SGCD: variants seen among roughly 807,000 people sequenced by gnomAD.
SGCD encodes the protein delta-sarcoglycan.
Under a neutral mutation model 36.6 loss-of-function variants are expected in SGCD, and 18 were observed. The observed-to-expected ratio is 0.49, with a 90% CI of 0.34 to 0.73. The LOEUF is 0.73. SGCD is among the 30% of genes least tolerant of loss of function. The probability of loss-of-function intolerance (pLI) is 0.01; values close to 1 mark genes in which losing one functional copy is unlikely to be tolerated. For missense variants in SGCD, 387 were observed against 346.7 expected, an observed-to-expected ratio of 1.12 and a Z score of -0.92; for synonymous variants, 133 against 130.6, an observed-to-expected ratio of 1.02 and a Z score of -0.12.
At chr5:156,687,941 G>T (rs533752925) in intron 7 of SGCD, among the ~76,000 whole-genome samples, 1 of 152,262 alleles carries the variant, frequency 6.6e-6, no homozygotes, top group Non-Finnish European at 1.5e-5. Flanking sequence ...TAGGAAGCAT[G>T]AGAAATTTTT....
chr5:156,412,745 C>T (rs1446527026), intron 3 of SGCD, among the ~76,000 whole-genome samples: 1 of 149,268 alleles, frequency 6.7e-6, no homozygotes, highest in Non-Finnish European at 1.5e-5. Flanking sequence ...CCAGGTGGTA[C>T]AAAGCACAAG....
chr5:156,416,979 G>C (rs1323377640), intron 3 of SGCD, among the ~76,000 whole-genome samples: 1 of 152,108 alleles, frequency 6.6e-6, no homozygotes, highest in Non-Finnish European at 1.5e-5. Flanking sequence ...TAAGTCAAAT[G>C]CAGTTTCAAT....
At chr5:156,282,635 T>C (rs543912703) in intron 3 of SGCD, among the ~76,000 whole-genome samples, 48 of 152,356 alleles carry the variant, frequency 3.2e-4, no homozygotes, top group Middle Eastern at 6.8e-3. Flanking sequence ...ATTAGATCCT[T>C]AATTGAATAA....
In SGCD at chr5:156,584,228, A is replaced by T. The variant is rs549584401; in HGVS notation, c.295-5003A>T. Among the ~76,000 whole-genome samples the T allele has an allele frequency of 3.3e-5, 5 of 152,284 alleles. No individual in the cohort carries two copies. In the East Asian group the frequency reaches 9.6e-4, roughly 29 times the overall value. ...TGCAGAGGGCCAAATACACTTGTCT[A>T]TGTTTTTGCTAAAATGTCTCTCCCC... On this transcript the variant is annotated intron_variant, in intron 4 of 8. Transcript: ENST00000337851.
chr5:156,664,566 A>G (rs1256834024), intron 7 of SGCD, among the ~76,000 whole-genome samples: 11 of 54,692 alleles, frequency 2.0e-4, no homozygotes, highest in Non-Finnish European at 3.0e-4. Flanking sequence ...GACTAATAGT[A>G]CTCCAATTTT....
intron 6 of SGCD, among the ~76,000 whole-genome samples, chr5:156,633,815 G>C (rs1233993372): frequency 1.3e-5 from 2 of 152,204 alleles, no homozygotes; most frequent in East Asian, 1.9e-4. Flanking sequence ...CAGGCCTGCT[G>C]CTCTTTGGTC....
chr5:156,123,129 A>G (rs1762086016), intron 2 of SGCD, among the ~76,000 whole-genome samples: 1 of 152,120 alleles, frequency 6.6e-6, no homozygotes, highest in Non-Finnish European at 1.5e-5. Context: ...GGGTCATCTT[A>G]TATCTGACAT....
chr5:156,746,795 T>C (rs1416894402), intron 7 of SGCD, among the ~76,000 whole-genome samples: 3 of 152,172 alleles, frequency 2.0e-5, no homozygotes, highest in Admixed American at 2.0e-4. Context: ...TTTGTGACCT[T>C]GGGGTAGTCA....
At chr5:156,431,624 T>C (rs904112555) in intron 3 of SGCD, among the ~76,000 whole-genome samples, 4 of 152,216 alleles carry the variant, frequency 2.6e-5, no homozygotes, top group African/African-American at 9.6e-5. Context: ...GATTATTTTG[T>C]CCCACGGGGT....
the SGCD span, among the ~76,000 whole-genome samples, chr5:155,740,601 A>G: frequency 6.6e-6 from 1 of 152,138 alleles, no homozygotes; most frequent in Non-Finnish European, 1.5e-5. Context: ...CAGAACTGAC[A>G]TTTTCGTACA....
At chr5:156,596,670 C>G (rs375257816) in intron 6 of SGCD, among the ~76,000 whole-genome samples, 33 of 152,180 alleles carry the variant, frequency 2.2e-4, no homozygotes, top group Middle Eastern at 6.8e-3. Context: ...TTCTCTCTTC[C>G]TCTCTCAGTA....
chr5:156,054,387 G>A (rs1760006525), intron 1 of SGCD, among the ~76,000 whole-genome samples: 2 of 139,830 alleles, frequency 1.4e-5, no homozygotes, highest in African/African-American at 2.6e-5. Flanking sequence ...CCGGGTTCAC[G>A]CCATTCTCCT....
chr5:156,165,287 C>A (rs1763186054), intron 3 of SGCD, among the ~76,000 whole-genome samples: 1 of 152,004 alleles, frequency 6.6e-6, no homozygotes, highest in Non-Finnish European at 1.5e-5. Context: ...GAACAACACC[C>A]CTTTATGTTC....
intron 3 of SGCD, among the ~76,000 whole-genome samples, chr5:156,385,571 A>G (rs1771232645): frequency 6.6e-6 from 1 of 152,254 alleles, no homozygotes; most frequent in Middle Eastern, 3.2e-3. Flanking sequence ...CAAGTGATAC[A>G]GAAAACATGT....
At chr5:155,942,772 A>G (rs1440766772) in intron 1 of SGCD, among the ~76,000 whole-genome samples, 2 of 152,226 alleles carry the variant, frequency 1.3e-5, no homozygotes, top group Admixed American at 1.3e-4. Context: ...ACACAGACAT[A>G]TGAACAAATA....
chr5:156,430,769 G>A (rs960935493), intron 3 of SGCD, among the ~76,000 whole-genome samples: 4 of 152,092 alleles, frequency 2.6e-5, no homozygotes, highest in African/African-American at 9.7e-5. Context: ...TTTCTTAGTT[G>A]AAGGGATTAT....
intron 3 of SGCD, among the ~76,000 whole-genome samples, chr5:156,361,327 C>T (rs1769783349): frequency 6.6e-6 from 1 of 152,192 alleles, no homozygotes; most frequent in African/African-American, 2.4e-5. Flanking sequence ...AGGAGAGAAG[C>T]AGTGTAATTT....
chr5:155,800,244 T>C, the SGCD span, among the ~76,000 whole-genome samples: 1 of 152,200 alleles, frequency 6.6e-6, no homozygotes, highest in Non-Finnish European at 1.5e-5. Flanking sequence ...TTGTGTTGTT[T>C]TGTTGCTCAA....
chr5:155,884,509 C>T (rs534838859), intron 1 of SGCD, among the ~76,000 whole-genome samples: 1 of 152,302 alleles, frequency 6.6e-6, no homozygotes, highest in South Asian at 2.1e-4. Context: ...CATAGAGCTG[C>T]TGTAATTGTA....
Sources: allele counts gnomAD v4.1 joint callset (sites outside exome capture counted in the v4.1 genomes callset), GRCh38; gene constraint gnomAD v4.1.1; transcripts MANE v1.5; gene names NCBI Gene and HGNC (gene_info 2026-07-23, HGNC 2026-07-21).